The following HEATR5B variants were observed in gnomAD, a reference collection of about 807,000 sequenced individuals.
HEATR5B encodes HEAT repeat-containing protein 5B.
A neutral mutation model predicts 224.1 loss-of-function variants in HEATR5B; 156 were observed. That is an observed-to-expected ratio of 0.70 (90% CI 0.61 to 0.80). HEATR5B has a LOEUF of 0.80. Among genes scored for constraint, HEATR5B ranks in the 30% least tolerant of loss-of-function variants. The pLI is 0.00. For missense variants in HEATR5B, 2,323 were observed against 2,535.5 expected, an observed-to-expected ratio of 0.92 and a Z score of 1.80; for synonymous variants, 1,027 against 893.0, an observed-to-expected ratio of 1.15 and a Z score of -2.68.
In HEATR5B at chr2:37,065,946, A is replaced by G. The variant is rs199980613; in HGVS notation, c.1178-36T>C. ...AAAATCATGTCTTTGACATAGGAGA[A>G]ATGAATTGTGGTATGATTTTTTTGG... is the stretch of plus-strand genomic sequence containing the variant. On this transcript the variant is annotated intron_variant, in intron 8 of 35. Coordinates refer to ENST00000233099, the MANE Select transcript of HEATR5B (RefSeq NM_019024.3). 20 of 1,572,536 alleles carry G rather than the reference A, an allele frequency of 1.3e-5. No homozygotes were observed. The African/African-American group carries it at 2.2e-4, about 17-fold the overall frequency.
chr2:37,049,768 G>C lies in HEATR5B; in HGVS notation c.2581C>G (p.Leu861Val). 1.2e-6 allele frequency: 2 copies of C among 1,605,538 alleles called. No individual in the cohort carries two copies. The highest frequency in any genetic ancestry group is 1.7e-6 in the Non-Finnish European group (2 of 1,177,640). The change falls in exon 18 of 36, where the codon CTG becomes GTG. Residue 861 changes from leucine (L) to valine (V), a missense_variant. This residue lies in a region of HEATR5B where 170 missense variants were observed against 216.7 expected (regional missense o/e 0.78). Coordinates refer to ENST00000233099, the MANE Select transcript of HEATR5B (RefSeq NM_019024.3). ...CGTAAGATGGGGTTTGGGTTGTCCA[G>C]AGGACCCATAACCAGTGTCAGGGCA... ...KSALTLVMGP[L>V]DNPNPILRCA...
At chr2:37,074,247 C>T (rs1219949439) in intron 5 of HEATR5B, among the ~76,000 whole-genome samples, 3 of 149,310 alleles carry the variant, frequency 2.0e-5, no homozygotes, top group East Asian at 2.0e-4. Flanking sequence ...GGTGTGAACC[C>T]GGGAGGCGGA....
rs199852612 is a variant in HEATR5B, at chr2:37,019,792, C to T, written c.4104+17G>A. The T allele has an allele frequency of 1.9e-6, 3 of 1,539,866 alleles. No individual in the cohort carries two copies. In the Admixed American group the frequency reaches 5.1e-5, roughly 26 times the overall value. ...TGTATAGAAGACAACTATACAAAGT[C>T]CCATTTTTCTTCTTACCTGGCAAGC... On this transcript the variant is annotated intron_variant, in intron 26 of 35. Coordinates refer to ENST00000233099, the MANE Select transcript of HEATR5B (RefSeq NM_019024.3).
At chr2:37,001,385 A>G (rs1400705360) in intron 32 of HEATR5B, among the ~76,000 whole-genome samples, 1 of 152,152 alleles carries the variant, frequency 6.6e-6, no homozygotes, top group Admixed American at 6.5e-5. Flanking sequence ...CAGCCATTGT[A>G]GCCTCTGCTT....
intron 10 of HEATR5B, among the ~76,000 whole-genome samples, chr2:37,063,120 T>C (rs1014036896): frequency 1.3e-5 from 2 of 152,154 alleles, no homozygotes; most frequent in Admixed American, 1.3e-4. Flanking sequence ...CAATGGTAGA[T>C]GCATAATAGG....
At chr2:37,024,256 G>A (rs1191524435) in intron 24 of HEATR5B, among the ~76,000 whole-genome samples, 1 of 152,160 alleles carries the variant, frequency 6.6e-6, no homozygotes, top group Non-Finnish European at 1.5e-5. Flanking sequence ...GTAAGATGGG[G>A]ATATGTTGGT....
chr2:37,068,805 C>T lies in HEATR5B; in HGVS notation c.1053G>A (p.Val351=). The T allele has an allele frequency of 1.2e-6, 2 of 1,614,098 alleles. No homozygotes were observed. The highest frequency in any genetic ancestry group is 1.7e-6 in the Non-Finnish European group (2 of 1,180,004). The change falls in exon 8 of 36, where the codon GTG becomes GTA. Residue 351 remains valine (V), a synonymous_variant. Coordinates refer to ENST00000233099, the MANE Select transcript of HEATR5B (RefSeq NM_019024.3). ...PRATQTHVEA[V]YSRRCVSFIL... ...TAAAGGAAACACATCGTCTGGAGTA[C>T]ACAGCCTCCACATGTGTTTGTGTTG...
At chr2:36,999,917 C>A (rs1372418051) in intron 33 of HEATR5B, among the ~76,000 whole-genome samples, 3 of 151,178 alleles carry the variant, frequency 2.0e-5, no homozygotes, top group Non-Finnish European at 4.4e-5. Flanking sequence ...GAGGCTGAGG[C>A]AGAAGAATCA....
At chr2:37,044,750 C>T (rs539255249) in intron 18 of HEATR5B, among the ~76,000 whole-genome samples, 1 of 152,158 alleles carries the variant, frequency 6.6e-6, no homozygotes. Context: ...TCTTAACCTA[C>T]CCTTTGCTGA....
chr2:36,988,251 G>C (rs1666077553), intron 35 of HEATR5B, among the ~76,000 whole-genome samples: 1 of 151,690 alleles, frequency 6.6e-6, no homozygotes, highest in African/African-American at 2.4e-5. Context: ...CAGAAGCAAA[G>C]GCCTGGTTTT....
At chr2:37,063,906 G>A (rs991968843) in intron 10 of HEATR5B, among the ~76,000 whole-genome samples, 2 of 152,102 alleles carry the variant, frequency 1.3e-5, no homozygotes, top group South Asian at 2.1e-4. Flanking sequence ...CCGCCTCCTG[G>A]GTTCAAGTGA....
rs1671216927 is a variant in HEATR5B at position 37,060,507 on chromosome 2, GT to G, written c.1849+73del. The G allele has an allele frequency of 4.0e-6, 5 of 1,261,708 alleles. No individual in the cohort carries two copies. In the South Asian group the frequency reaches 9.0e-5, roughly 23 times the overall value. 78.2% of individuals were successfully genotyped at this position (1,261,708 alleles called of 1,614,324 possible). On this transcript the variant is annotated intron_variant, in intron 12 of 35. Transcript: ENST00000233099. ...TAGTAAAATAAAAAACTATAAAATA[GT>G]GATTTTTCTTTTACTTTACAAATAT...
chr2:37,082,374 C>T (rs866913105), intron 2 of HEATR5B, among the ~76,000 whole-genome samples: 1 of 151,946 alleles, frequency 6.6e-6, no homozygotes, highest in Non-Finnish European at 1.5e-5. Context: ...ACCACCATGC[C>T]GGGCCATATC....
chr2:37,005,632 C>T lies in HEATR5B; in HGVS notation c.4905G>A (p.Gln1635=). The change falls in exon 30 of 36, where the codon CAG becomes CAA. Residue 1635 remains glutamine, a splice_region_variant and synonymous_variant. Coordinates refer to ENST00000233099, the MANE Select transcript of HEATR5B (RefSeq NM_019024.3). Reference sequence around the variant, plus strand: ...TATCTATCATAGCAATACACTGTACCTGATCTTCTGCAATATGGACTCGAG... The same window carrying T: ...TATCTATCATAGCAATACACTGTACTTGATCTTCTGCAATATGGACTCGAG... ...PYARVHIAED[Q]LIGVELLSVL... is the part of the protein sequence containing the mutation. 1 of 1,613,414 alleles carries T rather than the reference C, an allele frequency of 6.2e-7. No homozygotes were observed. The highest frequency in any genetic ancestry group is 8.5e-7 in the Non-Finnish European group (1 of 1,179,530).
rs550655030 is a variant in HEATR5B, at chr2:37,032,921, C to T, written c.3217-148G>A. 61 of 681,066 alleles carry T rather than the reference C, an allele frequency of 9.0e-5. 2 individuals are homozygous for T. In the South Asian group the frequency reaches 1.3e-3, roughly 15 times the overall value. The allele number at this position is 681,066 out of a possible 1,614,324, so 42.2% of individuals were successfully genotyped here. A position where few individuals can be genotyped will look rare whatever the true frequency, so the allele number is the denominator to read the frequency against. On this transcript the variant is annotated intron_variant, in intron 21 of 35. Transcript: ENST00000233099. ...TTGAGACAGAGTTTTGCTCTTGTTGCCCAGGCTGGAGCGCAGTGGCGTGAT... is the reference window on the plus strand; with the variant it reads ...TTGAGACAGAGTTTTGCTCTTGTTGTCCAGGCTGGAGCGCAGTGGCGTGAT...
chr2:36,985,134 G>C (rs1665859392), intron 35 of HEATR5B, among the ~76,000 whole-genome samples: 1 of 152,162 alleles, frequency 6.6e-6, no homozygotes, highest in Non-Finnish European at 1.5e-5. Flanking sequence ...AAATTCAAAA[G>C]CTGAAAATTT....
intron 35 of HEATR5B, among the ~76,000 whole-genome samples, chr2:36,983,891 T>C (rs2148311899): frequency 6.6e-6 from 1 of 151,768 alleles, no homozygotes; most frequent in Admixed American, 6.6e-5. Context: ...AGGTTTTGGT[T>C]TTAACAATTT....
intron 2 of HEATR5B, among the ~76,000 whole-genome samples, chr2:37,082,253 AGT>A (rs1291274528): frequency 3.3e-5 from 5 of 151,414 alleles, no homozygotes; most frequent in African/African-American, 1.2e-4. Context: ...TACTTTTAGC[AGT>A]GTTTAGTAGA....
intron 10 of HEATR5B, 121 bp downstream of exon 10, chr2:37,064,619 T>C (rs1275535860): frequency 3.2e-6 from 3 of 937,388 alleles, no homozygotes; most frequent in African/African-American, 3.3e-5. Flanking sequence ...GAACACTATG[T>C]TTTATGATAA....
Sources: allele counts gnomAD v4.1 joint callset (sites outside exome capture counted in the v4.1 genomes callset), GRCh38; gene constraint gnomAD v4.1.1; regional missense constraint gnomAD v4.1.1; transcripts MANE v1.5; gene names NCBI Gene and HGNC (gene_info 2026-07-23, HGNC 2026-07-21).